CLVS1: variants seen among roughly 807,000 people sequenced by gnomAD.
CLVS1 encodes the protein clavesin 1.
In CLVS1, 10 loss-of-function variants were observed where a neutral mutation model predicts 33.1. The observed-to-expected ratio is 0.30, with a 90% confidence interval of 0.19 to 0.51. The LOEUF (loss-of-function observed/expected upper bound fraction) is 0.51. Ranked by LOEUF, CLVS1 falls within the 20% of genes least tolerant of loss-of-function variation. The pLI is 0.97. For synonymous variants in CLVS1, 163 were observed against 166.1 expected (o/e 0.98, Z 0.14); for missense variants, 343 against 433.4 (o/e 0.79, Z 1.85).
At chr8:61,373,809 C>A (rs1386931465) in intron 2 of CLVS1, among the ~76,000 whole-genome samples, 1 of 152,140 alleles carries the variant, frequency 6.6e-6, no homozygotes, top group Non-Finnish European at 1.5e-5. Flanking sequence ...AGAAAGCAAT[C>A]ATTTATTGCT....
At chr8:60,979,097 A>T in the CLVS1 span, among the ~76,000 whole-genome samples, 1 of 152,210 alleles carries the variant, frequency 6.6e-6, no homozygotes, top group African/African-American at 2.4e-5. Context: ...AAAGAACATA[A>T]CAGAGTGGAG....
At chr8:61,131,092 C>T (rs182355361) in intron 1 of CLVS1, among the ~76,000 whole-genome samples, 38 of 152,334 alleles carry the variant, frequency 2.5e-4, no homozygotes, top group African/African-American at 8.4e-4. Context: ...GTGCCTGAGC[C>T]TCAGTGGCTG....
At chr8:61,061,314 G>C (rs765872813) in intron 1 of CLVS1, among the ~76,000 whole-genome samples, 14 of 152,068 alleles carry the variant, frequency 9.2e-5, no homozygotes, top group Non-Finnish European at 2.1e-4. Flanking sequence ...AAGGAAAGAG[G>C]CTCTTTCTTT....
In CLVS1 at chr8:61,232,022, G is replaced by GTTTTTTGTTTGTTTGTTTGTTT. The variant is rs376185436; in HGVS notation, c.-151-67655_-151-67654insTTTTTTGTTTGTTTGTTTGTTT. 8.2e-3 allele frequency among the ~76,000 whole-genome samples: 960 copies of GTTTTTTGTTTGTTTGTTTGTTT among 116,986 alleles called. 103 individuals carry two copies. The highest frequency in any genetic ancestry group is 0.036 in the African/African-American group (813 of 22,312). The allele number at this position is 116,986 out of a possible 152,430, so 76.7% of individuals were successfully genotyped here. On this transcript the variant is annotated intron_variant, in intron 2 of 2. Coordinates refer to the CLVS1 transcript ENST00000522621. Reference sequence around the variant, plus strand: ...GAGAAGGAGCCCTGAGGAAAGTTGTGGTTTTTTTTTTTTTTTTTTTTTTTT... The same window carrying GTTTTTTGTTTGTTTGTTTGTTT: ...GAGAAGGAGCCCTGAGGAAAGTTGTGTTTTTTGTTTGTTTGTTTGTTTGTTTTTTTTTTTTTTTTTTTTTTTT...
upstream of CLVS1, among the ~76,000 whole-genome samples, chr8:61,056,225 C>T (rs939956010): frequency 2.6e-5 from 4 of 152,160 alleles, no homozygotes; most frequent in Non-Finnish European, 4.4e-5. Flanking sequence ...CCAACAGTGG[C>T]CAAGTTCTTA....
chr8:61,286,792 A>G (rs1809791194), upstream of CLVS1, among the ~76,000 whole-genome samples: 8 of 152,276 alleles, frequency 5.3e-5, no homozygotes, highest in Admixed American at 5.2e-4. Context: ...TTAAGCAAAT[A>G]CAAGTAAGAA....
At chr8:61,440,929 A>C (rs561608885) in intron 3 of CLVS1, among the ~76,000 whole-genome samples, 42 of 152,238 alleles carry the variant, frequency 2.8e-4, no homozygotes, top group African/African-American at 7.2e-4. Context: ...CTTCTCTCTT[A>C]TGTTTGCTCT....
Position 61,195,762 on chromosome 8 carries a change from G to A in CLVS1, c.-152+63902G>A, listed in dbSNP as rs372511747. Among the ~76,000 whole-genome samples the A allele has an allele frequency of 2.0e-5, 3 of 152,052 alleles. 1 individual carries two copies. The East Asian group carries it at 5.8e-4, about 29-fold the overall frequency. On this transcript the variant is annotated intron_variant, in intron 2 of 2. Transcript: ENST00000522621. ...AAAAAGGGGGAAAAGTGAAGATGAT[G>A]ATTATGAGGAAGTTAATGACTGGGA...
In CLVS1 at chr8:61,422,793, AG is replaced by A. The variant is rs1815728933; in HGVS notation, c.631-31347del. The stretch of plus-strand genomic sequence containing the variant: ...AACAGACTCTTTAAACCCCAGGATC[AG>A]TTGTTTGTGCTCTGGAAGACTAACC... On this transcript the variant is annotated intron_variant, in intron 3 of 5. Transcript: ENST00000325897. Among the ~76,000 whole-genome samples, 3 of 152,364 alleles carry A rather than the reference AG, an allele frequency of 2.0e-5. No homozygotes were observed. The South Asian group carries it at 6.2e-4, about 32-fold the overall frequency.
Position 61,106,443 on chromosome 8 carries a change from T to G in CLVS1, c.-242-25327T>G, listed in dbSNP as rs551284240. On this transcript the variant is annotated intron_variant, in intron 1 of 2. Transcript: ENST00000522621. ...GAAAGCTAAGGCGCATTTTGGAAGCTGGGACGGAAAAACAATCCTGGAACA... is the reference window on the plus strand; with the variant it reads ...GAAAGCTAAGGCGCATTTTGGAAGCGGGGACGGAAAAACAATCCTGGAACA... Among the ~76,000 whole-genome samples the G allele has an allele frequency of 3.9e-5, 6 of 152,320 alleles. 1 individual carries two copies. Among genetic ancestry groups the G allele is most frequent in the African/African-American group, 1.4e-4 (6 of 41,574 alleles).
chr8:61,206,405 A>T (rs964375366), intron 2 of CLVS1, among the ~76,000 whole-genome samples: 1 of 152,080 alleles, frequency 6.6e-6, no homozygotes, highest in Non-Finnish European at 1.5e-5. Context: ...AAGTACAGGG[A>T]TATCAGTTTT....
chr8:61,004,621 C>T, the CLVS1 span, among the ~76,000 whole-genome samples: 4 of 152,194 alleles, frequency 2.6e-5, no homozygotes, highest in African/African-American at 9.7e-5. Context: ...AGGGCAGGCT[C>T]AGAGTGACCG....
At chr8:61,098,541 T>G (rs1482875544) in intron 1 of CLVS1, among the ~76,000 whole-genome samples, 1 of 152,158 alleles carries the variant, frequency 6.6e-6, no homozygotes, top group Non-Finnish European at 1.5e-5. Context: ...CATCACACTT[T>G]GTTCTTAGGT....
At chr8:60,969,069 A>T in the CLVS1 span, among the ~76,000 whole-genome samples, 2 of 152,236 alleles carry the variant, frequency 1.3e-5, no homozygotes, top group Non-Finnish European at 1.5e-5. Flanking sequence ...ATCACAATCA[A>T]GCTCTATACG....
intron 2 of CLVS1, among the ~76,000 whole-genome samples, chr8:61,321,392 A>T (rs1235525216): frequency 6.6e-6 from 1 of 150,390 alleles, no homozygotes; most frequent in East Asian, 2.0e-4. Flanking sequence ...TTTCTGGGTG[A>T]TCTGATTTTT....
the CLVS1 span, among the ~76,000 whole-genome samples, chr8:61,047,981 A>C: frequency 6.6e-6 from 1 of 152,194 alleles, no homozygotes; most frequent in Admixed American, 6.5e-5. Context: ...CATTAATGAC[A>C]CACACAAAGA....
chr8:61,002,117 T>G, the CLVS1 span, among the ~76,000 whole-genome samples: 1 of 152,076 alleles, frequency 6.6e-6, no homozygotes, highest in East Asian at 1.9e-4. Flanking sequence ...TAGCTGGGAC[T>G]ACAGGCATAT....
At chr8:61,058,499 C>T (rs933779666) in intron 1 of CLVS1, among the ~76,000 whole-genome samples, 9 of 152,152 alleles carry the variant, frequency 5.9e-5, no homozygotes, top group Admixed American at 2.6e-4. Context: ...AATCTGTTCT[C>T]CCCATTATCC....
chr8:61,475,165 A>G (rs953609830), intron 5 of CLVS1, among the ~76,000 whole-genome samples: 4 of 152,140 alleles, frequency 2.6e-5, no homozygotes, highest in Admixed American at 2.0e-4. Flanking sequence ...CATGGTGTAT[A>G]TGTGCCACAT....
Sources: allele counts gnomAD v4.1 joint callset (sites outside exome capture counted in the v4.1 genomes callset), GRCh38; gene constraint gnomAD v4.1.1; transcripts MANE v1.5; gene names NCBI Gene and HGNC (gene_info 2026-07-23, HGNC 2026-07-21).